The following RHBDD2 variants were observed in gnomAD, a reference collection of about 807,000 sequenced individuals.
RHBDD2 encodes rhomboid domain containing 2.
Under a neutral mutation model 21.7 loss-of-function variants are expected in RHBDD2, and 13 were observed. The ratio of observed to expected loss-of-function variants is 0.60; its 90% confidence interval spans 0.39 to 0.95. The LOEUF is 0.95. Among genes scored for constraint, RHBDD2 ranks in the 40% least tolerant of loss-of-function variants. RHBDD2 has a pLI of 0.00. For missense variants in RHBDD2, 473 were observed against 478.9 expected (o/e 0.99, Z 0.11); for synonymous variants, 225 against 220.0 (o/e 1.02, Z -0.20).
At chr7:75,887,773 A>C (rs1159079569) in intron 3 of RHBDD2, among the ~76,000 whole-genome samples, 3 of 151,996 alleles carry the variant, frequency 2.0e-5, no homozygotes, top group Admixed American at 6.6e-5. Context: ...GTCCTTTCAT[A>C]CAACTCCCTT....
Position 75,882,078 on chromosome 7 carries a change from T to C in RHBDD2, c.428T>C (p.Leu143Pro). ...TTCACCCCAGTGGCCTTTGCCATGC[T>C]GGGAGTCACCACCGTCCGTTCTCGG... ...RGFTPVAFAM[L>P]GVTTVRSRMR... The change falls in exon 2 of 4, where the codon CTG becomes CCG. Residue 143 changes from leucine to proline, a missense_variant. Leu to Pro is a moderately conservative substitution (Grantham distance 98). Transcript: ENST00000006777. 1 of 1,614,166 alleles carries C rather than the reference T, an allele frequency of 6.2e-7. No individual in the cohort carries two copies. The highest frequency in any genetic ancestry group is 8.5e-7 in the Non-Finnish European group (1 of 1,180,012).
intron 1 of RHBDD2, 62 bp downstream of exon 1, chr7:75,879,322 G>A: frequency 7.2e-7 from 1 of 1,385,606 alleles, no homozygotes; most frequent in Non-Finnish European, 9.4e-7. Flanking sequence ...GCCGGTTCCT[G>A]GGCTCTAGCC....
rs1805466345 is a variant in RHBDD2 at position 75,883,708 on chromosome 7, C to T, written c.597C>T (p.Thr199=). The T allele has an allele frequency of 6.2e-7, 1 of 1,613,402 alleles. No homozygotes were observed. Among genetic ancestry groups the T allele is most frequent in the Non-Finnish European group, 8.5e-7 (1 of 1,179,710 alleles). Residue 199 remains threonine, a synonymous_variant, in exon 3 of 4, where the codon ACC becomes ACT. Coordinates refer to ENST00000006777, the MANE Select transcript of RHBDD2 (RefSeq NM_001040456.3). ...ACACGCCAACCTCAGATGGCCTCAC[C>T]TACTGCTATTCCATCGACCTCTCAG... The part of the protein sequence containing the change: ...GLSIGLAYGL[T]YCYSIDLSER...
In RHBDD2 at chr7:75,888,702, G is replaced by A. The variant is rs7223; in HGVS notation, c.*353G>A. 0.25 allele frequency: 72,919 copies of A among 286,588 alleles called. 10,451 individuals are homozygous for A. Among genetic ancestry groups the A allele is most frequent in the Middle Eastern group, 0.34 (309 of 910 alleles). The allele number at this position is 286,588 out of a possible 1,614,324, so 17.8% of individuals were successfully genotyped here. On this transcript the variant is annotated 3_prime_UTR_variant, in exon 4 of 4. Coordinates refer to ENST00000006777, the MANE Select transcript of RHBDD2 (RefSeq NM_001040456.3). ...CACCATTCCTCCCTGTGGCTGTGCCGTGCTCGTGGTTTCAGTGTCCGTGTG... is the reference window on the plus strand; with the variant it reads ...CACCATTCCTCCCTGTGGCTGTGCCATGCTCGTGGTTTCAGTGTCCGTGTG...
intron 1 of RHBDD2, among the ~76,000 whole-genome samples, chr7:75,879,921 C>T (rs1454234601): frequency 6.6e-6 from 1 of 152,156 alleles, no homozygotes; most frequent in Non-Finnish European, 1.5e-5. Context: ...TCCTAGTCTC[C>T]GTGTCTTCCT....
Position 75,883,727 on chromosome 7 carries a change from C to A in RHBDD2, c.616C>A (p.Leu206Ile), listed in dbSNP as rs781879882. 1 of 1,613,654 alleles carries A rather than the reference C, an allele frequency of 6.2e-7. No individual in the cohort carries two copies. Among genetic ancestry groups the A allele is most frequent in the South Asian group, 1.1e-5 (1 of 91,046 alleles). ...CCTCACCTACTGCTATTCCATCGAC[C>A]TCTCAGAGCGAGTGGCACTGAAGCT... ...YGLTYCYSID[L>I]SERVALKLDQ... Residue 206 changes from leucine to isoleucine, a missense_variant, in exon 3 of 4, where the codon CTC becomes ATC. Coordinates refer to ENST00000006777, the MANE Select transcript of RHBDD2 (RefSeq NM_001040456.3).
Position 75,888,521 on chromosome 7 carries a change from T to A in RHBDD2, c.*172T>A. ...CTCACGGCAGCCCTGTGGAGTACGG[T>A]GTACTGGCCCAGCTTACAGATGCAG... On this transcript the variant is annotated 3_prime_UTR_variant, in exon 4 of 4. Transcript: ENST00000006777. 1 of 594,692 alleles carries A rather than the reference T, an allele frequency of 1.7e-6. No homozygotes were observed. Among genetic ancestry groups the A allele is most frequent in the Non-Finnish European group, 3.0e-6 (1 of 337,554 alleles). The allele number at this position is 594,692 out of a possible 1,614,324, so 36.8% of individuals were successfully genotyped here.
At chr7:75,883,487 C>T in intron 2 of RHBDD2, 2 of 415,914 alleles carry the variant, frequency 4.8e-6, no homozygotes, top group South Asian at 6.2e-5. Flanking sequence ...CACTGCACTC[C>T]AGCCTGGGCT....
intron 3 of RHBDD2, among the ~76,000 whole-genome samples, chr7:75,886,670 C>T (rs1378672805): frequency 6.6e-6 from 1 of 152,054 alleles, no homozygotes; most frequent in East Asian, 1.9e-4. Context: ...AAAAATTGGC[C>T]ATGTGCGGTG....
At chr7:75,880,745 A>G (rs1805275975) in intron 1 of RHBDD2, among the ~76,000 whole-genome samples, 1 of 152,124 alleles carries the variant, frequency 6.6e-6, no homozygotes, top group East Asian at 1.9e-4. Context: ...AAATTTTTTT[A>G]GAGATAGGGT....
intron 2 of RHBDD2, 51 bp from the exon 3 acceptor site, chr7:75,883,647 C>G (rs530714356): frequency 1.3e-6 from 2 of 1,553,588 alleles, no homozygotes; most frequent in Admixed American, 1.7e-5. Context: ...GGGGAGTGTT[C>G]GGCCCTCCTC....
In RHBDD2 at chr7:75,883,792, C is replaced by T. The variant is rs371344778; in HGVS notation, c.681C>T (p.Ser227=). 6.4e-5 allele frequency: 103 copies of T among 1,613,756 alleles called. No individual in the cohort carries two copies. The highest frequency in any genetic ancestry group is 1.6e-4 in the Middle Eastern group (1 of 6,084). ...TFPFSLMRRI[S]VFKYVSGSSA... is the part of the protein sequence containing the mutation. The stretch of plus-strand genomic sequence containing the variant: ...CCTTCAGCCTGATGAGGAGGATATC[C>T]GTGTTCAAGTACGTCTCAGGGTCTT... The change falls in exon 3 of 4, where the codon TCC becomes TCT. Residue 227 remains serine, a synonymous_variant. Coordinates refer to ENST00000006777, the MANE Select transcript of RHBDD2 (RefSeq NM_001040456.3).
chr7:75,885,827 C>T lies in RHBDD2; in HGVS notation c.737+1979C>T, dbSNP rs928378007. Among the ~76,000 whole-genome samples, 10 of 152,250 alleles carry T rather than the reference C, an allele frequency of 6.6e-5. No homozygotes were observed. In the East Asian group the frequency reaches 1.9e-3, roughly 29 times the overall value. ...AGGTCTGCCCCCGTGACCCAGACGC[C>T]TCCCACTGAGCTCCACCTCTAGTGC... On this transcript the variant is annotated intron_variant, in intron 3 of 3. Coordinates refer to ENST00000006777, the MANE Select transcript of RHBDD2 (RefSeq NM_001040456.3).
intron 2 of RHBDD2, 103 bp from the exon 3 acceptor site, chr7:75,883,595 A>T (rs1323521250): frequency 1.0e-6 from 1 of 988,328 alleles, no homozygotes; most frequent in African/African-American, 1.6e-5. Context: ...CGTGCTAAGC[A>T]TGAAGGCTTC....
intron 1 of RHBDD2, 61 bp downstream of exon 1, chr7:75,879,321 T>G (rs1473039639): frequency 2.2e-6 from 3 of 1,386,882 alleles, no homozygotes; most frequent in Non-Finnish European, 2.8e-6. Context: ...TGCCGGTTCC[T>G]GGGCTCTAGC....
intron 1 of RHBDD2, among the ~76,000 whole-genome samples, chr7:75,879,922 G>A (rs1251627531): frequency 6.6e-6 from 1 of 152,052 alleles, no homozygotes; most frequent in Non-Finnish European, 1.5e-5. Context: ...CCTAGTCTCC[G>A]TGTCTTCCTC....
intron 3 of RHBDD2, 128 bp downstream of exon 3, chr7:75,883,976 C>T (rs1805501290): frequency 3.1e-6 from 2 of 648,922 alleles, no homozygotes. Context: ...CTCACTGCAA[C>T]CTCTGCTTCA....
chr7:75,883,545 G>C (rs1390379390), intron 2 of RHBDD2, 153 bp from the exon 3 acceptor site: 4 of 632,486 alleles, frequency 6.3e-6, no homozygotes, highest in Non-Finnish European at 1.1e-5. Flanking sequence ...CTTTGGCTCT[G>C]GGTTTCCCCT....
Position 75,881,840 on chromosome 7 carries a change from G to A in RHBDD2, c.190G>A (p.Val64Ile). Residue 64 changes from valine to isoleucine, a missense_variant, in exon 2 of 4, where the codon GTA (valine) becomes ATA (isoleucine). By Grantham distance (29) the Val-to-Ile change is conservative. Transcript: ENST00000006777. ...GACTCCCTCTGCAGTTTACAGGCTG[G>A]TAACCTACATCTTTGTCTACGAGAA... ...ALRNWQVYRLVTYIFVYENPI... is the reference protein window; with the variant it reads ...ALRNWQVYRLITYIFVYENPI... 1.2e-6 allele frequency: 2 copies of A among 1,603,648 alleles called. No homozygotes were observed. Among genetic ancestry groups the A allele is most frequent in the Non-Finnish European group, 1.7e-6 (2 of 1,173,270 alleles).
Sources: allele counts gnomAD v4.1 joint callset (sites outside exome capture counted in the v4.1 genomes callset), GRCh38; gene constraint gnomAD v4.1.1; transcripts MANE v1.5; gene names NCBI Gene and HGNC (gene_info 2026-07-23, HGNC 2026-07-21).